Variants in PAH observed in about 807,000 individuals in gnomAD.
PAH encodes phenylalanine-4-hydroxylase.
PAH carries 64 observed loss-of-function variants against 62.0 expected under a neutral mutation model. The ratio of observed to expected loss-of-function variants is 1.03; its 90% confidence interval spans 0.84 to 1.27. PAH has a LOEUF of 1.27. Ranked by LOEUF, PAH falls within the 50% of genes most tolerant of loss-of-function variation. The pLI, the probability that PAH is intolerant of heterozygous loss-of-function variation, is 0.00. For synonymous variants in PAH, 195 were observed against 196.2 expected (o/e 0.99, Z 0.05); for missense variants, 579 against 542.8 (o/e 1.07, Z -0.66).
intron 2 of PAH, among the ~76,000 whole-genome samples, chr12:102,905,026 C>T (rs34181115): frequency 0.12 from 18,331 of 152,194 alleles, 1,424 homozygotes; most frequent in Admixed American, 0.22. Context: ...CTCATCTTCA[C>T]GCTTTCTCAA....
At chr12:102,948,871 T>G (rs79435523) in intron 1 of PAH, among the ~76,000 whole-genome samples, 17,429 of 152,192 alleles carry the variant, frequency 0.11, 1,917 homozygotes, top group African/African-American at 0.29. Context: ...CTCAGTTATC[T>G]CTAATGGGAG....
intron 2 of PAH, among the ~76,000 whole-genome samples, chr12:102,904,285 T>G (rs1470665867): frequency 1.3e-5 from 2 of 152,184 alleles, no homozygotes; most frequent in Non-Finnish European, 2.9e-5. Flanking sequence ...TTAACCCCAA[T>G]GCCATTCCAT....
At chr12:102,940,349 T>G (rs753866488) in intron 1 of PAH, among the ~76,000 whole-genome samples, 21 of 152,110 alleles carry the variant, frequency 1.4e-4, no homozygotes, top group Non-Finnish European at 2.5e-4. Flanking sequence ...ATGACAGACA[T>G]AAAATTCAGA....
chr12:102,888,530 T>C (rs904445590), intron 3 of PAH, among the ~76,000 whole-genome samples: 7 of 149,484 alleles, frequency 4.7e-5, no homozygotes, highest in Non-Finnish European at 1.0e-4. Flanking sequence ...TGAAGCTCTG[T>C]GACCTGGCAA....
chr12:102,872,392 T>A (rs978142934), intron 4 of PAH, among the ~76,000 whole-genome samples: 1 of 152,190 alleles, frequency 6.6e-6, no homozygotes, highest in African/African-American at 2.4e-5. Flanking sequence ...TTGACAGGTG[T>A]TCACTATATA....
intron 4 of PAH, among the ~76,000 whole-genome samples, chr12:102,871,740 T>C (rs1391878302): frequency 2.6e-5 from 4 of 151,794 alleles, no homozygotes; most frequent in African/African-American, 4.8e-5. Context: ...CTGGCCCACA[T>C]AGTGAAATCC....
intron 1 of PAH, chr12:102,913,770 A>T: frequency 1.4e-6 from 1 of 699,718 alleles, no homozygotes; most frequent in Non-Finnish European, 2.6e-6. Flanking sequence ...CTTAAACTAA[A>T]TCTCAAAGAA....
Position 102,839,072 on chromosome 12 carries a change from TA to T in PAH, c.*102del. 1.0e-6 allele frequency: 1 copy of T among 973,080 alleles called. No homozygotes were observed. Among genetic ancestry groups the T allele is most frequent in the Non-Finnish European group, 1.7e-6 (1 of 605,574 alleles). The allele number at this position is 973,080 out of a possible 1,614,324, so 60.3% of individuals were successfully genotyped here. A position where few individuals can be genotyped will look rare whatever the true frequency, so the allele number is the denominator to read the frequency against. ...CATCTTGTAAAGGATTTAAGGCTGT[TA>T]TTTCAAATTAAGGTTTGCTTTTCGG... On this transcript the variant is annotated 3_prime_UTR_variant, in exon 13 of 13. Coordinates refer to ENST00000553106, the MANE Select transcript of PAH (RefSeq NM_000277.3).
chr12:102,958,269 A>AGCG, exon 1 of PAH: 1 of 1,474,202 alleles, frequency 6.8e-7, no homozygotes, highest in Non-Finnish European at 9.0e-7. Context: ...CAAGATGGAG[A>AGCG]GCGGCGGCGC....
rs181454689 is a variant in PAH, at chr12:102,901,255, T to C, written c.169-6337A>G. 7.2e-5 allele frequency among the ~76,000 whole-genome samples: 11 copies of C among 152,330 alleles called. No homozygotes were observed. In the East Asian group the frequency reaches 2.1e-3, roughly 29 times the overall value. On this transcript the variant is annotated intron_variant, in intron 2 of 12. Transcript: ENST00000553106. ...TCACTGACAAGAGATAATGGTATCT[T>C]GCAAGTATGTGGGCTATCTGGGTTC... is the stretch of plus-strand genomic sequence containing the variant.
Position 102,856,604 on chromosome 12 carries a change from G to A in PAH, c.510-1272C>T, listed in dbSNP as rs180989951. On this transcript the variant is annotated intron_variant, in intron 5 of 12. Coordinates refer to ENST00000553106, the MANE Select transcript of PAH (RefSeq NM_000277.3). ...CCCCCAGCAGGGGCAGACTGACACC[G>A]CACACGGCCGGGTACCCCTCTGAGA... Among the ~76,000 whole-genome samples the A allele has an allele frequency of 2.8e-3, 419 of 152,248 alleles. 3 individuals carry two copies. In the South Asian group the frequency reaches 0.041, roughly 15 times the overall value.
rs1273919261 is a variant in PAH at position 102,957,680 on chromosome 12, C to G, written c.-96+515G>C. 6.6e-6 allele frequency: 1 copy of G among 152,556 alleles called. No homozygotes were observed. Among genetic ancestry groups the G allele is most frequent in the African/African-American group, 2.4e-5 (1 of 41,460 alleles). The allele number at this position is 152,556 out of a possible 1,614,324, so 9.5% of individuals were successfully genotyped here. On this transcript the variant is annotated intron_variant, in intron 1 of 4. Transcript: ENST00000551337. This position sits in a 1 kb window ranked among gnomAD's most constrained non-coding sequence, Gnocchi z 4.1. ...GGACGCACTCCGGCAGCCCAGCACT[C>G]TCTCACTTCTGGCCAGGGAACGTGG...
chr12:102,851,784 G>A (rs193032469), intron 7 of PAH, 28 bp from the exon 8 acceptor site: 122 of 1,589,584 alleles, frequency 7.7e-5, no homozygotes, highest in African/African-American at 7.4e-4. Flanking sequence ...CAGAGAGCTC[G>A]GAGGGGAGGA....
chr12:102,853,175 A>G (rs1480113615), intron 6 of PAH: 1 of 575,756 alleles, frequency 1.7e-6, no homozygotes, highest in Non-Finnish European at 3.1e-6. Context: ...CATAATGTGG[A>G]TAGATACTTC....
At chr12:102,889,521 TGGATAGATAGAC>T (rs1355575962) in intron 3 of PAH, among the ~76,000 whole-genome samples, 2 of 147,590 alleles carry the variant, frequency 1.4e-5, no homozygotes, top group South Asian at 2.1e-4. Context: ...TGATAGATGA[TGGATAGATAGAC>T]GGATAGATAG....
chr12:102,917,589 C>T (rs758376327), upstream of PAH: 1 of 226,570 alleles, frequency 4.4e-6, no homozygotes, highest in South Asian at 6.5e-5. Context: ...AATCCGCCCC[C>T]CTTACCCCCA....
intron 7 of PAH, chr12:102,852,091 C>T (rs2136645282): frequency 3.3e-6 from 1 of 303,178 alleles, no homozygotes; most frequent in South Asian, 3.9e-5. Flanking sequence ...GTCATGAACA[C>T]TTCTCATCCT....
chr12:102,866,695 G>T (rs183656745), intron 4 of PAH, 32 bp from the exon 5 acceptor site: 1 of 1,567,676 alleles, frequency 6.4e-7, no homozygotes, highest in Non-Finnish European at 8.8e-7. Flanking sequence ...ATTTTTCAAG[G>T]CTTCATAGGA....
intron 9 of PAH, among the ~76,000 whole-genome samples, chr12:102,846,239 C>A (rs1479517740): frequency 6.6e-6 from 1 of 152,164 alleles, no homozygotes; most frequent in African/African-American, 2.4e-5. Flanking sequence ...AGTTCATAAG[C>A]TTCTAAACTG....
Sources: allele counts gnomAD v4.1 joint callset (sites outside exome capture counted in the v4.1 genomes callset), GRCh38; gene constraint gnomAD v4.1.1; non-coding constraint Gnocchi (gnomAD v3.1); transcripts MANE v1.5; gene names NCBI Gene and HGNC (gene_info 2026-07-23, HGNC 2026-07-21).